The following INHBA variants were observed in gnomAD, a reference collection of about 807,000 sequenced individuals.
The protein encoded by INHBA is inhibin beta A chain.
Under a neutral mutation model 29.0 loss-of-function variants are expected in INHBA, and 1 was observed. The ratio of observed to expected loss-of-function variants is 0.03; its 90% CI spans 0.01 to 0.16. The LOEUF is 0.16. Among genes scored for constraint, INHBA ranks in the 10% least tolerant of loss-of-function variants. INHBA has a pLI of 1.00. For synonymous variants in INHBA, 242 were observed against 216.8 expected (o/e 1.12, Z -1.02); for missense variants, 376 against 545.4 (o/e 0.69, Z 3.09).
intron 1 of INHBA, among the ~76,000 whole-genome samples, chr7:41,702,152 C>T (rs1340293191): frequency 6.6e-6 from 1 of 152,122 alleles, no homozygotes; most frequent in Non-Finnish European, 1.5e-5. Context: ...GTGTTCATAG[C>T]ATTACAGTCA....
intron 1 of INHBA, among the ~76,000 whole-genome samples, chr7:41,702,280 G>C (rs1402190977): frequency 6.6e-6 from 1 of 152,160 alleles, no homozygotes; most frequent in African/African-American, 2.4e-5. Flanking sequence ...AGTTTGCACA[G>C]GTTAACAATG....
intron 2 of INHBA, among the ~76,000 whole-genome samples, chr7:41,698,375 G>A (rs1165124354): frequency 6.6e-6 from 1 of 152,168 alleles, no homozygotes; most frequent in Non-Finnish European, 1.5e-5. Flanking sequence ...ATCATGTGTG[G>A]AGGTTGGTAT....
intron 2 of INHBA, among the ~76,000 whole-genome samples, chr7:41,693,758 C>A (rs557863145): frequency 1.3e-5 from 2 of 152,238 alleles, no homozygotes; most frequent in African/African-American, 4.8e-5. Context: ...GCATCGCCTG[C>A]GTATTGTAGA....
At chr7:41,693,903 T>C (rs1248706616) in intron 2 of INHBA, 1 of 152,242 alleles carries the variant, frequency 6.6e-6, no homozygotes, top group Non-Finnish European at 1.5e-5. Flanking sequence ...CCCTACTAAT[T>C]GACATGCCTG....
rs188737542 is a variant in INHBA, at chr7:41,687,352, A to C, written c.*2298T>G. Reference sequence around the variant, plus strand: ...TATTTTACAAAATATTAATTAATGTAATTGTTCCCAATTATTAGAAACTTT... The same window carrying C: ...TATTTTACAAAATATTAATTAATGTCATTGTTCCCAATTATTAGAAACTTT... On this transcript the variant is annotated 3_prime_UTR_variant, in exon 3 of 3. Coordinates refer to ENST00000242208, the MANE Select transcript of INHBA (RefSeq NM_002192.4). The C allele has an allele frequency of 6.6e-6, 1 of 152,330 alleles. No homozygotes were observed. Among genetic ancestry groups the C allele is most frequent in the African/African-American group, 2.4e-5 (1 of 41,568 alleles). The allele number at this position is 152,330 out of a possible 1,614,324, so 9.4% of individuals were successfully genotyped here.
At chr7:41,705,283 C>T (rs1294662505), upstream of INHBA, 12 of 152,298 alleles carry the variant, frequency 7.9e-5, no homozygotes. Flanking sequence ...TGCTACTGTA[C>T]CTTGAGCAGC....
chr7:41,699,724 C>G (rs1181705236), intron 2 of INHBA, among the ~76,000 whole-genome samples: 1 of 152,138 alleles, frequency 6.6e-6, no homozygotes, highest in Non-Finnish European at 1.5e-5. Context: ...AGCTTCCTCT[C>G]TGTGTGACCC....
chr7:41,705,021 A>C (rs1319226986), upstream of INHBA, among the ~76,000 whole-genome samples: 1 of 151,940 alleles, frequency 6.6e-6, no homozygotes, highest in East Asian at 1.9e-4. Context: ...CCACAGTGGC[A>C]ATGCCTCCTC....
At position 41,697,962 on chromosome 7, in the gene INHBA, T is replaced by C. The variant is rs143860484; in HGVS notation, c.388+2025A>G. On this transcript the variant is annotated intron_variant, in intron 2 of 2. Transcript: ENST00000242208. ...ATAAGCAATTGTAATAAGTGTTTTC[T>C]AAGAATCCAAAGTCAAGTTGTAAAG... Among the ~76,000 whole-genome samples the C allele has an allele frequency of 3.0e-3, 450 of 152,322 alleles. 1 individual carries two copies. Among genetic ancestry groups the C allele is most frequent in the African/African-American group, 8.0e-3 (332 of 41,578 alleles).
upstream of INHBA, chr7:41,705,276 T>C (rs1302945341): frequency 6.6e-6 from 1 of 152,340 alleles, no homozygotes; most frequent in Non-Finnish European, 1.5e-5. Flanking sequence ...TCGGCCCTGC[T>C]ACTGTACCTT....
intron 2 of INHBA, among the ~76,000 whole-genome samples, chr7:41,699,011 CTGACGTGCA>C: frequency 6.6e-6 from 1 of 152,172 alleles, no homozygotes; most frequent in Admixed American, 6.5e-5. Flanking sequence ...ATCTGTGTGC[CTGACGTGCA>C]TGGGCTTGCA....
At chr7:41,690,646 C>G (rs1468599979) in intron 2 of INHBA, 104 bp from the exon 3 acceptor site, 1 of 1,389,918 alleles carries the variant, frequency 7.2e-7, no homozygotes, top group Non-Finnish European at 9.5e-7. Context: ...TGTGACAGAC[C>G]CTCTTGAATA....
At chr7:41,703,792 C>CAG (rs1338349055), upstream of INHBA, among the ~76,000 whole-genome samples, 1 of 114,748 alleles carries the variant, frequency 8.7e-6, no homozygotes, top group Admixed American at 8.3e-5. Flanking sequence ...CACACACACA[C>CAG]AACAACAACA....
chr7:41,699,966 C>CCCCCCCCCT, intron 2 of INHBA, 21 bp downstream of exon 2: 1 of 646,032 alleles, frequency 1.5e-6, no homozygotes, highest in South Asian at 2.6e-5. Context: ...CTCCCCACCC[C>CCCCCCCCCT]CTGCCAATGC....
rs141733287 is a variant in INHBA at position 41,690,385 on chromosome 7, C to A, written c.546G>T (p.Pro182=). ...CTTCCCCTGTGTCCAAGCTGCCCTG[C>A]GGGTGCTTCTGCTGCTGGAAGAGGC... The part of the protein sequence containing the change: ...TIRLFQQQKH[P]QGSLDTGEEA... The change falls in exon 3 of 3, where the codon CCG becomes CCT. Residue 182 remains proline (P), a synonymous_variant. Coordinates refer to ENST00000242208, the MANE Select transcript of INHBA (RefSeq NM_002192.4). The A allele has an allele frequency of 5.0e-6, 8 of 1,613,936 alleles. No individual in the cohort carries two copies. Among genetic ancestry groups the A allele is most frequent in the African/African-American group, 4.0e-5 (3 of 74,896 alleles).
At chr7:41,698,282 CGGTTAAAAGT>C (rs1794694319) in intron 2 of INHBA, among the ~76,000 whole-genome samples, 1 of 151,950 alleles carries the variant, frequency 6.6e-6, no homozygotes, top group Non-Finnish European at 1.5e-5. Context: ...AACGGTAGTG[CGGTTAAAAGT>C]GGTCAAAGGC....
chr7:41,690,678 A>G, intron 2 of INHBA, 136 bp from the exon 3 acceptor site: 1 of 1,130,456 alleles, frequency 8.8e-7, no homozygotes, highest in Non-Finnish European at 1.2e-6. Context: ...ATGACAGCCC[A>G]TGGGCTGAAA....
rs1442197966 is a variant in INHBA, at chr7:41,687,451, T to C, written c.*2199A>G. 3 of 152,218 alleles carry C rather than the reference T, an allele frequency of 2.0e-5. No homozygotes were observed. The highest frequency in any genetic ancestry group is 7.2e-5 in the African/African-American group (3 of 41,456). 9.4% of individuals were successfully genotyped at this position (152,218 alleles called of 1,614,324 possible). On this transcript the variant is annotated 3_prime_UTR_variant, in exon 3 of 3. Coordinates refer to ENST00000242208, the MANE Select transcript of INHBA (RefSeq NM_002192.4). ...AGGGCTCTGGATTTTCAAAAGCACATACATGAATAATTTATTAGCTATTCC... is the reference window on the plus strand; with the variant it reads ...AGGGCTCTGGATTTTCAAAAGCACACACATGAATAATTTATTAGCTATTCC...
chr7:41,687,472 AT>A lies in INHBA; in HGVS notation c.*2177del, dbSNP rs1368898808. The A allele has an allele frequency of 7.9e-5, 12 of 152,242 alleles. No homozygotes were observed. The highest frequency in any genetic ancestry group is 2.4e-4 in the African/African-American group (10 of 41,458). The allele number at this position is 152,242 out of a possible 1,614,324, so 9.4% of individuals were successfully genotyped here. On this transcript the variant is annotated 3_prime_UTR_variant, in exon 3 of 3. Coordinates refer to ENST00000242208, the MANE Select transcript of INHBA (RefSeq NM_002192.4). ...CACATACATGAATAATTTATTAGCT[AT>A]TCCAGGCAAGCTAAGTACTAGAATA...
Sources: gnomAD v4.1 joint callset for allele counts (sites outside exome capture counted in the v4.1 genomes callset) on GRCh38, gnomAD v4.1.1 for gene constraint, MANE v1.5 for transcripts, NCBI Gene and HGNC (gene_info 2026-07-23, HGNC 2026-07-21) for gene names.